The following EBNA1BP2 variants were observed in gnomAD, a reference collection of about 807,000 sequenced individuals.
EBNA1BP2 encodes the protein EBNA1 binding protein 2.
Under a neutral mutation model 43.5 loss-of-function variants are expected in EBNA1BP2, and 36 were observed. That is an observed-to-expected ratio of 0.83 (90% CI 0.63 to 1.09). The LOEUF is 1.09. EBNA1BP2 is among the 50% of genes least tolerant of loss of function. The pLI is 0.00. For missense variants in EBNA1BP2, 332 were observed against 379.1 expected, an observed-to-expected ratio of 0.88 and a Z score of 1.03; for synonymous variants, 127 against 141.3, an observed-to-expected ratio of 0.90 and a Z score of 0.72.
chr1:43,164,252 G>T lies in EBNA1BP2; in HGVS notation c.*191C>A. 1 of 622,498 alleles carries T rather than the reference G, an allele frequency of 1.6e-6. No homozygotes were observed. Among genetic ancestry groups the T allele is most frequent in the Non-Finnish European group, 2.8e-6 (1 of 360,038 alleles). The allele number at this position is 622,498 out of a possible 1,614,324, so 38.6% of individuals were successfully genotyped here. A position where few individuals can be genotyped will look rare whatever the true frequency, so the allele number is the denominator to read the frequency against. ...TCAATGTCTAAATTATCAATAGATAGCAATGGAAAGTAACTTCTCAATCTT... is the reference window on the plus strand; with the variant it reads ...TCAATGTCTAAATTATCAATAGATATCAATGGAAAGTAACTTCTCAATCTT... On this transcript the variant is annotated 3_prime_UTR_variant, in exon 9 of 9. Transcript: ENST00000236051.
At chr1:43,170,900 T>G in intron 3 of EBNA1BP2, 21 bp from the exon 4 acceptor site, 1 of 1,555,012 alleles carries the variant, frequency 6.4e-7, no homozygotes, top group Non-Finnish European at 8.6e-7. Context: ...TAGGACAAAA[T>G]GTGTAATGAG....
At chr1:43,169,333 G>A (rs770904484) in intron 4 of EBNA1BP2, among the ~76,000 whole-genome samples, 2 of 152,184 alleles carry the variant, frequency 1.3e-5, no homozygotes, top group Non-Finnish European at 2.9e-5. Context: ...TCAGTAGACT[G>A]AGGCTGGAAA....
chr1:43,164,293 T>A lies in EBNA1BP2; in HGVS notation c.*150A>T. On this transcript the variant is annotated 3_prime_UTR_variant, in exon 9 of 9. Coordinates refer to ENST00000236051, the MANE Select transcript of EBNA1BP2 (RefSeq NM_006824.3). ...TCTCAATCTTTTAGTCTAGACTATT[T>A]AACCAAAGGTATGTGTTCCTTTAAT... 3.5e-6 allele frequency: 3 copies of A among 854,970 alleles called. No individual in the cohort carries two copies. Among genetic ancestry groups the A allele is most frequent in the South Asian group, 1.8e-5 (1 of 56,706 alleles). 53.0% of individuals were successfully genotyped at this position (854,970 alleles called of 1,614,324 possible). A position where few individuals can be genotyped will look rare whatever the true frequency, so the allele number is the denominator to read the frequency against.
chr1:43,170,143 C>T (rs59745912), intron 4 of EBNA1BP2, among the ~76,000 whole-genome samples: 6,694 of 152,220 alleles, frequency 0.044, 511 homozygotes, highest in African/African-American at 0.15. Context: ...TCTCGGCACA[C>T]GGAAAATTCA....
intron 1 of EBNA1BP2, 37 bp from the exon 2 acceptor site, chr1:43,172,006 A>G: frequency 6.2e-7 from 1 of 1,614,124 alleles, no homozygotes; most frequent in Non-Finnish European, 8.5e-7. Flanking sequence ...CAGGGGTGTA[A>G]GGCCCCCTCT....
chr1:43,171,053 C>A, intron 3 of EBNA1BP2, 174 bp from the exon 4 acceptor site: 2 of 942,056 alleles, frequency 2.1e-6, no homozygotes, highest in South Asian at 4.4e-5. Context: ...AGAAATGTAG[C>A]CGTATACTAG....
rs1221019617 is a variant in EBNA1BP2, at chr1:43,170,857, C to T, written c.346G>A (p.Val116Met). ...MSFYRQAQAA[V>M]LAVLPRLHQL... ...TGGAGGCGGGGTAAGACTGCAAGCA[C>T]TGCGGCCTGGGCTTGGCGATAGCTG... Residue 116 changes from valine to methionine, a missense_variant, in exon 4 of 9, where the codon GTG becomes ATG. Around this residue, in one of 3 missense-constraint regions of EBNA1BP2, gnomAD observed 182 missense variants for 173.7 expected, o/e 1.05. Coordinates refer to ENST00000236051, the MANE Select transcript of EBNA1BP2 (RefSeq NM_006824.3). 1.7e-5 allele frequency: 27 copies of T among 1,592,662 alleles called. No homozygotes were observed. Among genetic ancestry groups the T allele is most frequent in the Non-Finnish European group, 2.2e-5 (26 of 1,171,976 alleles).
At chr1:43,166,980 C>T in intron 6 of EBNA1BP2, 61 bp from the exon 7 acceptor site, 1 of 1,570,770 alleles carries the variant, frequency 6.4e-7, no homozygotes, top group Non-Finnish European at 8.7e-7. Flanking sequence ...AAGTTTAAAC[C>T]ACCATATGAG....
At chr1:43,170,732 C>A in intron 4 of EBNA1BP2, 24 bp downstream of exon 4, 1 of 1,598,490 alleles carries the variant, frequency 6.3e-7, no homozygotes, top group South Asian at 1.1e-5. Context: ...TTTGACTTTC[C>A]AGAGGAAAAC....
Position 43,164,800 on chromosome 1 carries a change from C to T in EBNA1BP2, c.713G>A (p.Ser238Asn). The change falls in exon 8 of 9, where the codon AGT becomes AAT. Residue 238 changes from serine (S) to asparagine (N), a missense_variant. By Grantham distance (46) the Ser-to-Asn change is conservative. Coordinates refer to ENST00000236051, the MANE Select transcript of EBNA1BP2 (RefSeq NM_006824.3). ...AKGQQMRKGPSAKRRYKNQKF... is the reference protein window; with the variant it reads ...AKGQQMRKGPNAKRRYKNQKF... ...CTGGTTTTTATACCGTCGTTTAGCA[C>T]TGGGCCTGGAAAAGAATGGTCCTAG... is the stretch of plus-strand genomic sequence containing the variant. 6.2e-7 allele frequency: 1 copy of T among 1,614,188 alleles called. No individual in the cohort carries two copies. The highest frequency in any genetic ancestry group is 8.5e-7 in the Non-Finnish European group (1 of 1,180,022).
At position 43,164,304 on chromosome 1, in the gene EBNA1BP2, A is replaced by G; in HGVS notation, c.*139T>C. ...TAGTCTAGACTATTTAACCAAAGGT[A>G]TGTGTTCCTTTAATAATTTTTCTTT... On this transcript the variant is annotated 3_prime_UTR_variant, in exon 9 of 9. Transcript: ENST00000236051. 2.1e-6 allele frequency: 2 copies of G among 936,812 alleles called. No homozygotes were observed. The highest frequency in any genetic ancestry group is 3.3e-6 in the Non-Finnish European group (2 of 612,522). The allele number at this position is 936,812 out of a possible 1,614,324, so 58.0% of individuals were successfully genotyped here.
intron 2 of EBNA1BP2, 39 bp from the exon 3 acceptor site, chr1:43,171,690 C>CT: frequency 6.2e-6 from 10 of 1,602,624 alleles, no homozygotes; most frequent in Non-Finnish European, 8.5e-6. Context: ...GAAGGGAACT[C>CT]TGAGTTTGTC....
At chr1:43,172,537 G>A, upstream of EBNA1BP2, 3 of 1,277,738 alleles carry the variant, frequency 2.3e-6, no homozygotes, top group South Asian at 1.4e-5. Context: ...GAGCCGCGGG[G>A]GTGGGGTGGC....
upstream of EBNA1BP2, chr1:43,172,559 C>A (rs1273818326): frequency 1.2e-6 from 1 of 813,460 alleles, no homozygotes; most frequent in East Asian, 2.9e-5. Context: ...CGGAGGAGGA[C>A]CCCGGGGGAG....
intron 4 of EBNA1BP2, 67 bp from the exon 5 acceptor site, chr1:43,169,095 A>G (rs55684025): frequency 0.014 from 20,605 of 1,507,098 alleles, 161 homozygotes; most frequent in Non-Finnish European, 0.017. Flanking sequence ...AGGATTCGCT[A>G]GAGCAGGGAA....
rs147648867 is a variant in EBNA1BP2, at chr1:43,170,001, A to C, written c.447+755T>G. 9.7e-3 allele frequency among the ~76,000 whole-genome samples: 1,470 copies of C among 152,158 alleles called. 14 individuals carry two copies. The highest frequency in any genetic ancestry group is 0.017 in the Middle Eastern group (5 of 294). On this transcript the variant is annotated intron_variant, in intron 4 of 8. Transcript: ENST00000236051. Reference sequence around the variant, plus strand: ...TTCATCCCAAAACTATCCCCTCCCCAAGTTCATGAAAAAATTGTCATCCAC... The same window carrying C: ...TTCATCCCAAAACTATCCCCTCCCCCAGTTCATGAAAAAATTGTCATCCAC...
At chr1:43,172,019 C>G in intron 1 of EBNA1BP2, 34 bp downstream of exon 1, 2 of 1,614,142 alleles carry the variant, frequency 1.2e-6, no homozygotes, top group Non-Finnish European at 1.7e-6. Context: ...CCCCCTCTCC[C>G]ACGCCCAGCC....
At chr1:43,165,536 T>C (rs1644912666) in intron 7 of EBNA1BP2, among the ~76,000 whole-genome samples, 1 of 152,242 alleles carries the variant, frequency 6.6e-6, no homozygotes, top group Non-Finnish European at 1.5e-5. Context: ...ACTTTTGCAA[T>C]AGTACCCTTG....
At chr1:43,164,850 T>G (rs1644908150) in intron 7 of EBNA1BP2, 45 bp from the exon 8 acceptor site, 2 of 1,599,326 alleles carry the variant, frequency 1.3e-6, no homozygotes, top group Non-Finnish European at 1.7e-6. Flanking sequence ...CTGTAAAGCC[T>G]GATGAACCTG....
Sources: allele counts gnomAD v4.1 joint callset (sites outside exome capture counted in the v4.1 genomes callset), GRCh38; gene constraint gnomAD v4.1.1; regional missense constraint gnomAD v4.1.1; transcripts MANE v1.5; gene names NCBI Gene and HGNC (gene_info 2026-07-23, HGNC 2026-07-21).